PLEC: variants seen among roughly 807,000 people sequenced by gnomAD.
PLEC encodes plectin.
PLEC carries 216 observed loss-of-function variants against 392.8 expected under a neutral mutation model. The ratio of observed to expected loss-of-function variants is 0.55; its 90% CI spans 0.49 to 0.62. The LOEUF is 0.62. PLEC is among the 20% of genes least tolerant of loss of function. PLEC has a pLI of 0.00. For missense variants in PLEC, 6,863 were observed against 6,563.4 expected (o/e 1.05, Z -1.58); for synonymous variants, 3,621 against 2,980.6 (o/e 1.21, Z -7.00).
chr8:143,956,893 G>T (rs977058046), upstream of PLEC, among the ~76,000 whole-genome samples: 2 of 152,220 alleles, frequency 1.3e-5, no homozygotes, highest in Admixed American at 6.5e-5. Context: ...CCAGCTGCAC[G>T]TCAGTCAGCT....
chr8:143,928,094 C>A lies in PLEC; in HGVS notation c.3261-102G>T. The A allele has an allele frequency of 2.1e-6, 3 of 1,417,698 alleles. No individual in the cohort carries two copies. The South Asian group carries it at 4.2e-5, about 20-fold the overall frequency. 87.8% of individuals were successfully genotyped at this position (1,417,698 alleles called of 1,614,324 possible). On this transcript the variant is annotated intron_variant, in intron 25 of 31. Coordinates refer to ENST00000345136, the MANE Select transcript of PLEC (RefSeq NM_201384.3). The stretch of plus-strand genomic sequence containing the variant: ...CGACCCAGGGTGCTGCCTGCCAAGC[C>A]CAGACCCAACCCTGGGGGTCAGCTG...
Position 143,917,144 on chromosome 8 carries a change from G to A in PLEC, c.12677C>T (p.Thr4226Met), listed in dbSNP as rs188341564. ...GTCGGCGAACTCGGTGATGGAGAGC[G>A]TGCCGGCGCGGTACTGGTCCAGTGC... is the stretch of plus-strand genomic sequence containing the variant. ...RSALDQYRAGTLSITEFADML... is the reference protein window; with the variant it reads ...RSALDQYRAGMLSITEFADML... Residue 4226 changes from threonine to methionine, a missense_variant, in exon 32 of 32, where the codon ACG becomes ATG. Coordinates refer to ENST00000345136, the MANE Select transcript of PLEC (RefSeq NM_201384.3). The A allele has an allele frequency of 1.1e-4, 171 of 1,604,758 alleles. No homozygotes were observed. The African/African-American group carries it at 1.2e-3, about 11-fold the overall frequency.
At chr8:143,939,907 CAA>C (rs1830121795), upstream of PLEC, among the ~76,000 whole-genome samples, 4 of 152,342 alleles carry the variant, frequency 2.6e-5, no homozygotes, top group South Asian at 8.3e-4. Context: ...AAGGACCCCC[CAA>C]CAGACTGAAG....
Position 143,939,593 on chromosome 8 carries a change from GC to G in PLEC, c.-133del. 1 of 1,497,016 alleles carries G rather than the reference GC, an allele frequency of 6.7e-7. No individual in the cohort carries two copies. The highest frequency in any genetic ancestry group is 1.3e-5 in the South Asian group (1 of 79,722). The allele number at this position is 1,497,016 out of a possible 1,614,324, so 92.7% of individuals were successfully genotyped here. On this transcript the variant is annotated 5_prime_UTR_variant, in exon 1 of 32. Coordinates refer to ENST00000345136, the MANE Select transcript of PLEC (RefSeq NM_201384.3). ...TCACTCGGCACAGGCTCAGCTCAGA[GC>G]CCCAGTCGGTGCGGCCACTCCCTGC...
Position 143,921,408 on chromosome 8 carries a change from G to A in PLEC, c.8413C>T (p.Leu2805=). ...CCCGTGGCGATCTGGGCCTCCAGCA[G>A]GCGGATGCCGTGCTCCCGGACGATG... The part of the protein sequence containing the change: ...GLIVREHGIR[L]LEAQIATGGV... Residue 2805 remains leucine (L), a synonymous_variant, in exon 32 of 32, where the codon CTG becomes TTG. Transcript: ENST00000345136. 1.9e-6 allele frequency: 3 copies of A among 1,613,388 alleles called. No individual in the cohort carries two copies. Among genetic ancestry groups the A allele is most frequent in the Non-Finnish European group, 2.5e-6 (3 of 1,179,806 alleles).
intron 1 of PLEC, among the ~76,000 whole-genome samples, chr8:143,961,016 C>A (rs1378493240): frequency 6.6e-6 from 1 of 152,274 alleles, no homozygotes; most frequent in African/African-American, 2.4e-5. Context: ...TGGGCCCAGC[C>A]TCTGAGCGCA....
chr8:143,947,074 G>A (rs76780244), intron 1 of PLEC, among the ~76,000 whole-genome samples: 2,487 of 152,270 alleles, frequency 0.016, 62 homozygotes, highest in African/African-American at 0.057. Context: ...TCCCGCAAAC[G>A]GGTGACTCGG....
chr8:143,922,938 G>A lies in PLEC; in HGVS notation c.6991C>T (p.Leu2331=), dbSNP rs2131291460. 6.2e-7 allele frequency: 1 copy of A among 1,606,692 alleles called. No homozygotes were observed. The highest frequency in any genetic ancestry group is 8.5e-7 in the Non-Finnish European group (1 of 1,177,084). Residue 2331 remains leucine (L), a synonymous_variant, in exon 31 of 32, where the codon CTG becomes TTG. Transcript: ENST00000345136. The part of the protein sequence containing the change: ...EATRLKAEAE[L]LQQQKELAQE... ...GCAAGCTCCTTCTGCTGCTGCAGCA[G>A]TTCCGCCTCAGCCTTGAGTCGCGTG...
At position 143,924,371 on chromosome 8, in the gene PLEC, TC is replaced by T. The variant is rs1824129574; in HGVS notation, c.5557del (p.Glu1853ArgfsTer65). 1 of 1,596,448 alleles carries T rather than the reference TC, an allele frequency of 6.3e-7. No individual in the cohort carries two copies. Among genetic ancestry groups the T allele is most frequent in the Non-Finnish European group, 8.5e-7 (1 of 1,178,630 alleles). ...CGCCTCCTTCTCCTTGAGCGCGATC[TC>T]CGCCTCCGTCTTGAGCCGCGTGGCC... ...GEATRLKTEA[E>X]IALKEKEAEN... is the part of the protein sequence containing the mutation. On this transcript the variant is annotated frameshift_variant, in exon 31 of 32. Coordinates refer to ENST00000345136, the MANE Select transcript of PLEC (RefSeq NM_201384.3). LOFTEE classifies it high-confidence loss of function.
At chr8:143,961,767 TA>T (rs1832883447) in intron 1 of PLEC, among the ~76,000 whole-genome samples, 1 of 152,258 alleles carries the variant, frequency 6.6e-6, no homozygotes. Flanking sequence ...AAATACTTCA[TA>T]ACATTAAATC....
chr8:143,975,086 C>A, upstream of PLEC: 1 of 1,428,334 alleles, frequency 7.0e-7, no homozygotes, highest in African/African-American at 1.4e-5. This position sits in a 1 kb window ranked among gnomAD's most constrained non-coding sequence, Gnocchi z 9.9. Context: ...GCCTCCCCCA[C>A]CCAGTCCCCG....
At position 143,918,849 on chromosome 8, in the gene PLEC, T is replaced by C. The variant is rs781989795; in HGVS notation, c.10972A>G (p.Ile3658Val). The C allele has an allele frequency of 3.1e-6, 5 of 1,612,948 alleles. No individual in the cohort carries two copies. The highest frequency in any genetic ancestry group is 1.1e-5 in the South Asian group (1 of 91,078). Residue 3658 changes from isoleucine to valine, a missense_variant, in exon 32 of 32, where the codon ATC (isoleucine) becomes GTC (valine). Physicochemically the swap from Ile to Val is conservative, Grantham distance 29. Coordinates refer to ENST00000345136, the MANE Select transcript of PLEC (RefSeq NM_201384.3). Reference protein sequence around the residue: ...TAEDLFEARIISLETYNLLRE... With the variant: ...TAEDLFEARIVSLETYNLLRE... Reference sequence around the variant, plus strand: ...AGCAGGTTGTAGGTCTCGAGAGAGATGATCCGAGCCTCGAACAGGTCCTCA... The same window carrying C: ...AGCAGGTTGTAGGTCTCGAGAGAGACGATCCGAGCCTCGAACAGGTCCTCA...
chr8:143,936,910 C>T, intron 5 of PLEC, 69 bp downstream of exon 5: 1 of 1,257,436 alleles, frequency 8.0e-7, no homozygotes, highest in Non-Finnish European at 1.2e-6. Context: ...ATCAACCCGC[C>T]AGCCAAGGAG....
At chr8:143,966,058 C>T (rs1167068711) in intron 1 of PLEC, among the ~76,000 whole-genome samples, 3 of 152,124 alleles carry the variant, frequency 2.0e-5, no homozygotes, top group African/African-American at 7.2e-5. Flanking sequence ...TTCCCACATG[C>T]CCCCTGGCAC....
rs781967540 is a variant in PLEC at position 143,927,081 on chromosome 8, C to A, written c.3841G>T (p.Asp1281Tyr). The A allele has an allele frequency of 1.2e-5, 20 of 1,610,032 alleles. No homozygotes were observed. Among genetic ancestry groups the A allele is most frequent in the Non-Finnish European group, 1.7e-5 (20 of 1,179,608 alleles). The stretch of plus-strand genomic sequence containing the variant: ...TACGTCACCAGCTGGAGTTCATAGT[C>A]CTGTGGCAATGCACTGCGGTCAGCC... ...FAKQYINAIK[D>Y]YELQLVTYKA... Residue 1281 changes from aspartate (D) to tyrosine (Y), a missense_variant and splice_region_variant, in exon 29 of 32, where the codon GAC (aspartate) becomes TAC (tyrosine). Transcript: ENST00000345136.
At position 143,930,371 on chromosome 8, in the gene PLEC, G is replaced by C. The variant is rs782694641; in HGVS notation, c.2457+13C>G. The C allele has an allele frequency of 2.7e-5, 42 of 1,575,162 alleles. No individual in the cohort carries two copies. Among genetic ancestry groups the C allele is most frequent in the Middle Eastern group, 1.7e-4 (1 of 6,032 alleles). Reference sequence around the variant, plus strand: ...TGGCCACGCCCCCCAGTGGACCCCCGGCCTGCGCTCACCTCCACCTGCTTA... The same window carrying C: ...TGGCCACGCCCCCCAGTGGACCCCCCGCCTGCGCTCACCTCCACCTGCTTA... On this transcript the variant is annotated intron_variant, in intron 20 of 31. Transcript: ENST00000345136.
chr8:143,950,878 C>A, upstream of PLEC: 1 of 1,354,872 alleles, frequency 7.4e-7, no homozygotes, highest in Non-Finnish European at 9.8e-7. Flanking sequence ...CGCGGGCTCC[C>A]GGCTGTGTGG....
rs77303974 is a variant in PLEC at position 143,919,896 on chromosome 8, G to A, written c.9925C>T (p.Arg3309Cys). 12,226 of 1,613,096 alleles carry A rather than the reference G, an allele frequency of 7.6e-3. 49 individuals are homozygous for A. Among genetic ancestry groups the A allele is most frequent in the Non-Finnish European group, 9.5e-3 (11,154 of 1,180,016 alleles). ...AGCTCGCTGGCTGGCACAGGGGCAC[G>A]GAGGCCGCTGAAGGACAGCCTCTCC... Reference protein sequence around the residue: ...RQERLSFSGLRAPVPASELLA... With the variant: ...RQERLSFSGLCAPVPASELLA... Residue 3309 changes from arginine to cysteine, a missense_variant, in exon 32 of 32, where the codon CGT (arginine) becomes TGT (cysteine). Physicochemically the swap from Arg to Cys is radical, Grantham distance 180 (BLOSUM62 -3). Coordinates refer to ENST00000345136, the MANE Select transcript of PLEC (RefSeq NM_201384.3).
In PLEC at chr8:143,939,537, GC is replaced by G; in HGVS notation, c.-77del. 1 of 1,547,340 alleles carries G rather than the reference GC, an allele frequency of 6.5e-7. No individual in the cohort carries two copies. Among genetic ancestry groups the G allele is most frequent in the South Asian group, 1.2e-5 (1 of 84,516 alleles). ...CTGGGCAGCCCCGTGTGGCACACAG[GC>G]AGCTGAAGGCTGGCGGCCCCACGAG... is the stretch of plus-strand genomic sequence containing the variant. On this transcript the variant is annotated 5_prime_UTR_variant, in exon 1 of 32. Transcript: ENST00000345136.
Sources: allele counts gnomAD v4.1 joint callset (sites outside exome capture counted in the v4.1 genomes callset), GRCh38; gene constraint gnomAD v4.1.1; non-coding constraint Gnocchi (gnomAD v3.1); transcripts MANE v1.5; gene names NCBI Gene and HGNC (gene_info 2026-07-23, HGNC 2026-07-21).